Variants in PIK3R1 observed in about 807,000 individuals in gnomAD.
The protein encoded by PIK3R1 is phosphoinositide-3-kinase regulatory subunit 1.
PIK3R1 carries 29 observed loss-of-function variants against 98.0 expected under a neutral mutation model. The observed-to-expected ratio is 0.30, with a 90% CI of 0.22 to 0.40. The LOEUF is 0.40. Ranked by LOEUF, PIK3R1 falls within the 10% of genes least tolerant of loss-of-function variation. PIK3R1 has a pLI of 1.00. For missense variants in PIK3R1, 596 were observed against 872.7 expected, an observed-to-expected ratio of 0.68 and a Z score of 3.99; for synonymous variants, 282 against 311.8, an observed-to-expected ratio of 0.90 and a Z score of 1.01.
chr5:68,290,215 A>G (rs565027927), intron 7 of PIK3R1, among the ~76,000 whole-genome samples: 2 of 152,218 alleles, frequency 1.3e-5, no homozygotes, highest in Non-Finnish European at 2.9e-5. Flanking sequence ...TCTCTTATAC[A>G]TGAGAGATAT....
At chr5:68,223,850 G>T in intron 1 of PIK3R1, among the ~76,000 whole-genome samples, 1 of 152,204 alleles carries the variant, frequency 6.6e-6, no homozygotes, top group South Asian at 2.1e-4. Flanking sequence ...GAGCCCCCTG[G>T]CAAGGAACAG....
intron 1 of PIK3R1, among the ~76,000 whole-genome samples, chr5:68,222,997 TAC>T (rs575992249): frequency 4.6e-5 from 7 of 151,398 alleles, no homozygotes; most frequent in Admixed American, 1.3e-4. Flanking sequence ...TATAGTTATC[TAC>T]ACACACACAC....
chr5:68,296,436 G>A (rs1443226962), intron 15 of PIK3R1, 95 bp downstream of exon 15: 1 of 1,207,942 alleles, frequency 8.3e-7, no homozygotes, highest in Admixed American at 2.2e-5. Flanking sequence ...ATTTGACATA[G>A]TTTTAGTCTT....
chr5:68,243,524 T>A (rs1049926056), intron 2 of PIK3R1, among the ~76,000 whole-genome samples: 1 of 152,260 alleles, frequency 6.6e-6, no homozygotes, highest in African/African-American at 2.4e-5. Flanking sequence ...TAGAAAGTCC[T>A]GTTCTACCAA....
At chr5:68,222,381 C>A (rs543294684) in intron 1 of PIK3R1, among the ~76,000 whole-genome samples, 1 of 152,160 alleles carries the variant, frequency 6.6e-6, no homozygotes, top group South Asian at 2.1e-4. Flanking sequence ...GTGCCATATC[C>A]CCCTAAGGAG....
At chr5:68,273,693 T>C (rs1047370864) in intron 3 of PIK3R1, 2 of 595,122 alleles carry the variant, frequency 3.4e-6, no homozygotes, top group South Asian at 2.2e-5. Context: ...AGTTTCCATA[T>C]GGAAACTATT....
intron 5 of PIK3R1, among the ~76,000 whole-genome samples, chr5:68,280,011 G>T (rs1746759347): frequency 6.6e-6 from 1 of 152,186 alleles, no homozygotes; most frequent in African/African-American, 2.4e-5. Context: ...GAAGGACACG[G>T]TCTTCCAAGT....
chr5:68,293,907 T>G, intron 11 of PIK3R1, 73 bp downstream of exon 11: 3 of 1,221,638 alleles, frequency 2.5e-6, no homozygotes. Flanking sequence ...GAAAAAAGAA[T>G]TTAAAAGGTT....
intron 2 of PIK3R1, among the ~76,000 whole-genome samples, chr5:68,244,265 T>G (rs1267234951): frequency 6.6e-6 from 1 of 152,152 alleles, no homozygotes; most frequent in East Asian, 1.9e-4. Flanking sequence ...AGGACTTGAG[T>G]GACAGAAAAT....
chr5:68,234,075 A>G (rs1290611627), intron 2 of PIK3R1, among the ~76,000 whole-genome samples: 1 of 152,264 alleles, frequency 6.6e-6, no homozygotes, highest in Non-Finnish European at 1.5e-5. Context: ...CCAAGATCGT[A>G]AAGAATATAG....
At chr5:68,237,415 A>G (rs1012039043) in intron 2 of PIK3R1, among the ~76,000 whole-genome samples, 2 of 152,158 alleles carry the variant, frequency 1.3e-5, no homozygotes, top group African/African-American at 4.8e-5. Context: ...TGTTACCTGA[A>G]TTCCAAGGGC....
intron 2 of PIK3R1, among the ~76,000 whole-genome samples, chr5:68,259,253 G>A (rs905393654): frequency 2.0e-5 from 3 of 152,194 alleles, no homozygotes; most frequent in Non-Finnish European, 4.4e-5. Context: ...TTTTGGATAT[G>A]TGGGGTTAAA....
chr5:68,217,500 A>G (rs1415904028), intron 1 of PIK3R1: 1 of 152,256 alleles, frequency 6.6e-6, no homozygotes, highest in African/African-American at 2.4e-5. Context: ...ACTTTTTGAC[A>G]GATTACACTG....
intron 2 of PIK3R1, among the ~76,000 whole-genome samples, chr5:68,236,361 T>A (rs932018249): frequency 1.3e-5 from 2 of 151,470 alleles, no homozygotes; most frequent in East Asian, 3.9e-4. Context: ...GCCATTCTCC[T>A]GTCTCAGCCT....
chr5:68,280,492 A>T (rs1580244752), intron 5 of PIK3R1, 36 bp from the exon 6 acceptor site: 3 of 1,358,162 alleles, frequency 2.2e-6, no homozygotes, highest in Non-Finnish European at 2.1e-6. Context: ...GTAGTCGCTT[A>T]CTCATTTCTC....
At chr5:68,216,155 G>A (rs1206506599) in intron 1 of PIK3R1, among the ~76,000 whole-genome samples, 1 of 152,158 alleles carries the variant, frequency 6.6e-6, no homozygotes, top group Non-Finnish European at 1.5e-5. Flanking sequence ...CGCGCGGCCG[G>A]CGTCCTGTGA....
chr5:68,280,525 T>C lies in PIK3R1; in HGVS notation c.635-3T>C, dbSNP rs1746790686. 1 of 1,582,206 alleles carries C rather than the reference T, an allele frequency of 6.3e-7. No individual in the cohort carries two copies. The highest frequency in any genetic ancestry group is 8.6e-7 in the Non-Finnish European group (1 of 1,159,206). Reference sequence around the variant, plus strand: ...CTCTTTTTTTTTTTTTTTAAACTTGTAGAAGTACAAAGCTCCGAAGAATAT... The same window carrying C: ...CTCTTTTTTTTTTTTTTTAAACTTGCAGAAGTACAAAGCTCCGAAGAATAT... On this transcript the variant is annotated splice_polypyrimidine_tract_variant and splice_region_variant and intron_variant, in intron 5 of 15. Coordinates refer to ENST00000521381, the MANE Select transcript of PIK3R1 (RefSeq NM_181523.3).
At chr5:68,288,680 G>A in intron 7 of PIK3R1, 2 of 1,611,840 alleles carry the variant, frequency 1.2e-6, no homozygotes, top group Admixed American at 3.3e-5. Context: ...GAACAGCTTT[G>A]GGGATTTTTT....
intron 7 of PIK3R1, among the ~76,000 whole-genome samples, chr5:68,284,208 G>C (rs182459613): frequency 7.4e-4 from 113 of 152,308 alleles, no homozygotes; most frequent in Non-Finnish European, 1.0e-4. Context: ...TCTAGCTTTT[G>C]AGGCCTTATG....
Sources: gnomAD v4.1 joint callset for allele counts (sites outside exome capture counted in the v4.1 genomes callset) on GRCh38, gnomAD v4.1.1 for gene constraint, MANE v1.5 for transcripts, NCBI Gene and HGNC (gene_info 2026-07-23, HGNC 2026-07-21) for gene names.